RAP1GDS1: variants seen among roughly 807,000 people sequenced by gnomAD.
RAP1GDS1 encodes RAP1, GTP-GDP dissociation stimulator 1.
A neutral mutation model predicts 71.1 loss-of-function variants in RAP1GDS1; 35 were observed. The ratio of observed to expected loss-of-function variants is 0.49; its 90% CI spans 0.38 to 0.65. The LOEUF (loss-of-function observed/expected upper bound fraction) is 0.65, where lower values mean the gene tolerates loss of function less well. Among genes scored for constraint, RAP1GDS1 ranks in the 30% least tolerant of loss-of-function variants. The pLI is 0.00. For missense variants in RAP1GDS1, 663 were observed against 706.1 expected (o/e 0.94, Z 0.69); for synonymous variants, 229 against 243.1 (o/e 0.94, Z 0.54).
chr4:98,265,685 A>C (rs1722627654), intron 1 of RAP1GDS1, among the ~76,000 whole-genome samples: 1 of 152,158 alleles, frequency 6.6e-6, no homozygotes, highest in South Asian at 2.1e-4. Flanking sequence ...GGGTTCCTTA[A>C]GTTTTCCGTA....
intron 4 of RAP1GDS1, among the ~76,000 whole-genome samples, chr4:98,354,366 A>G (rs1255547129): frequency 1.3e-5 from 2 of 152,200 alleles, no homozygotes; most frequent in Non-Finnish European, 2.9e-5. Flanking sequence ...CCAGCCCAAA[A>G]GTATTCTTTA....
At chr4:98,438,388 T>C (rs1165867879) in intron 14 of RAP1GDS1, among the ~76,000 whole-genome samples, 1 of 151,690 alleles carries the variant, frequency 6.6e-6, no homozygotes, top group Non-Finnish European at 1.5e-5. Context: ...CAGCACAAAG[T>C]TGTCATTTTC....
chr4:98,310,399 G>C (rs1730028655), intron 2 of RAP1GDS1, among the ~76,000 whole-genome samples: 1 of 152,100 alleles, frequency 6.6e-6, no homozygotes, highest in Non-Finnish European at 1.5e-5. Flanking sequence ...TCAGTACCTA[G>C]TGGGACTACA....
intron 4 of RAP1GDS1, among the ~76,000 whole-genome samples, chr4:98,372,240 G>A (rs1323156801): frequency 2.0e-5 from 3 of 152,106 alleles, no homozygotes; most frequent in Admixed American, 2.0e-4. Context: ...TCGGCTCACT[G>A]CAACCTCCGC....
intron 2 of RAP1GDS1, among the ~76,000 whole-genome samples, chr4:98,296,716 C>A (rs1455880500): frequency 6.6e-6 from 1 of 152,054 alleles, no homozygotes; most frequent in African/African-American, 2.4e-5. Flanking sequence ...TATGGTTACT[C>A]TATTTTATGG....
rs986553895 is a variant in RAP1GDS1, at chr4:98,343,272, C to T, written c.235+11C>T. The T allele has an allele frequency of 4.4e-6, 7 of 1,590,778 alleles. No individual in the cohort carries two copies. Among genetic ancestry groups the T allele is most frequent in the African/African-American group, 1.3e-5 (1 of 74,368 alleles). On this transcript the variant is annotated intron_variant, in intron 3 of 14. Transcript: ENST00000408927. The stretch of plus-strand genomic sequence containing the variant: ...AAGTAGCCAAAAATGGTGAGGTTTA[C>T]CTCAAGAACTTTTCTGCTGGGAACG...
Position 98,413,991 on chromosome 4 carries a change from G to T in RAP1GDS1, c.764-2754G>T, listed in dbSNP as rs955930529. Among the ~76,000 whole-genome samples, 12 of 152,212 alleles carry T rather than the reference G, an allele frequency of 7.9e-5. No homozygotes were observed. The East Asian group carries it at 2.3e-3, about 29-fold the overall frequency. On this transcript the variant is annotated intron_variant, in intron 7 of 14. Coordinates refer to ENST00000408927, the MANE Select transcript of RAP1GDS1 (RefSeq NM_001100427.2). ...CCAGTGATGATGAGCATTTTTTCAT[G>T]TGTTTTTTGGCTGCATAAATGTCTT...
At chr4:98,405,747 C>A (rs570123244) in intron 7 of RAP1GDS1, among the ~76,000 whole-genome samples, 1 of 151,662 alleles carries the variant, frequency 6.6e-6, no homozygotes, top group African/African-American at 2.4e-5. Context: ...ACCTTCTCAA[C>A]AGCAACAATG....
At chr4:98,441,937 A>G (rs1312238058) in intron 14 of RAP1GDS1, 53 bp from the exon 15 acceptor site, 3 of 1,587,368 alleles carry the variant, frequency 1.9e-6, no homozygotes, top group African/African-American at 2.7e-5. Context: ...TATGTTTTGG[A>G]TAGACTTAGA....
intron 4 of RAP1GDS1, among the ~76,000 whole-genome samples, chr4:98,369,854 T>C (rs1407090120): frequency 1.3e-5 from 2 of 152,208 alleles, no homozygotes; most frequent in East Asian, 3.8e-4. Context: ...ACATTTTTCC[T>C]TAATAGAGCT....
At chr4:98,413,535 C>T (rs1290152417) in intron 7 of RAP1GDS1, among the ~76,000 whole-genome samples, 1 of 152,148 alleles carries the variant, frequency 6.6e-6, no homozygotes, top group Non-Finnish European at 1.5e-5. Context: ...CATGTCACTA[C>T]AAAGGACATG....
intron 2 of RAP1GDS1, among the ~76,000 whole-genome samples, chr4:98,300,868 C>T (rs1406356470): frequency 6.6e-6 from 1 of 152,160 alleles, no homozygotes; most frequent in Non-Finnish European, 1.5e-5. Context: ...ATCTAGATTA[C>T]TCCATGAGTC....
chr4:98,348,504 A>G (rs1328828161), intron 3 of RAP1GDS1, among the ~76,000 whole-genome samples: 3 of 152,168 alleles, frequency 2.0e-5, no homozygotes, highest in Non-Finnish European at 4.4e-5. Flanking sequence ...GCTGGGTCAA[A>G]TGGTATTTCT....
intron 12 of RAP1GDS1, among the ~76,000 whole-genome samples, chr4:98,423,190 G>T (rs1252868288): frequency 1.3e-5 from 2 of 152,222 alleles, no homozygotes; most frequent in Non-Finnish European, 2.9e-5. Flanking sequence ...ATCTGGGATG[G>T]TGCCATAGAA....
chr4:98,302,617 C>T (rs1224061862), intron 2 of RAP1GDS1, among the ~76,000 whole-genome samples: 1 of 151,854 alleles, frequency 6.6e-6, no homozygotes, highest in Non-Finnish European at 1.5e-5. Flanking sequence ...TTGAAAGGGC[C>T]CACCATATAC....
intron 12 of RAP1GDS1, among the ~76,000 whole-genome samples, chr4:98,426,853 T>C (rs1389588104): frequency 6.6e-6 from 1 of 151,954 alleles, no homozygotes; most frequent in Non-Finnish European, 1.5e-5. Flanking sequence ...GAGGGAATCC[T>C]CCCCAAATCA....
At chr4:98,349,608 G>A (rs567794857) in intron 3 of RAP1GDS1, among the ~76,000 whole-genome samples, 7 of 152,284 alleles carry the variant, frequency 4.6e-5, no homozygotes, top group South Asian at 2.1e-4. Flanking sequence ...AGCATAGAAT[G>A]TTCTTCCATT....
intron 5 of RAP1GDS1, 132 bp downstream of exon 5, chr4:98,379,295 G>A: frequency 4.2e-6 from 4 of 942,194 alleles, no homozygotes; most frequent in South Asian, 2.7e-5. Context: ...TTAATAATTA[G>A]CCAACATTAA....
chr4:98,276,748 G>A (rs1724260427), intron 1 of RAP1GDS1, among the ~76,000 whole-genome samples: 1 of 152,128 alleles, frequency 6.6e-6, no homozygotes, highest in Non-Finnish European at 1.5e-5. Flanking sequence ...GCCCAACCTG[G>A]AAAGGGATTC....
Sources: allele counts gnomAD v4.1 joint callset (sites outside exome capture counted in the v4.1 genomes callset), GRCh38; gene constraint gnomAD v4.1.1; transcripts MANE v1.5; gene names NCBI Gene and HGNC (gene_info 2026-07-23, HGNC 2026-07-21).